The following SEMA6D variants were observed in gnomAD, a reference collection of about 807,000 sequenced individuals.
SEMA6D encodes semaphorin 6D.
Under a neutral mutation model 106.6 loss-of-function variants are expected in SEMA6D, and 35 were observed. That is an observed-to-expected ratio of 0.33 (90% CI 0.25 to 0.44). The LOEUF is 0.44. Among genes scored for constraint, SEMA6D ranks in the 20% least tolerant of loss-of-function variants. SEMA6D has a pLI of 1.00. For missense variants in SEMA6D, 1,185 were observed against 1,345.9 expected, an observed-to-expected ratio of 0.88 and a Z score of 1.87; for synonymous variants, 499 against 487.7, an observed-to-expected ratio of 1.02 and a Z score of -0.31.
chr15:47,682,361 G>A (rs766181143), intron 4 of SEMA6D, among the ~76,000 whole-genome samples: 7 of 152,128 alleles, frequency 4.6e-5, no homozygotes, highest in Admixed American at 2.6e-4. Flanking sequence ...TAGAGACGGG[G>A]TTTCACCATG....
chr15:47,199,868 G>T (rs562879159), intron 1 of SEMA6D, among the ~76,000 whole-genome samples: 1 of 152,078 alleles, frequency 6.6e-6, no homozygotes, highest in Non-Finnish European at 1.5e-5. Flanking sequence ...TGTGCATTTT[G>T]CAGTGAGCTA....
rs372623559 is a variant in SEMA6D at position 47,772,802 on chromosome 15, T to TTC, written c.*1017_*1018insTC. The TTC allele has an allele frequency of 9.2e-6, 1 of 108,946 alleles. No individual in the cohort carries two copies. Among genetic ancestry groups the TTC allele is most frequent in the African/African-American group, 3.7e-5 (1 of 27,328 alleles). The allele number at this position is 108,946 out of a possible 1,614,324, so 6.7% of individuals were successfully genotyped here. A position where few individuals can be genotyped will look rare whatever the true frequency, so the allele number is the denominator to read the frequency against. On this transcript the variant is annotated 3_prime_UTR_variant, in exon 19 of 19. Transcript: ENST00000536845. ...AGGTTTTATTTTGATTGTGTTCGTT[T>TTC]CCCCCCCCCCAATAGTAAAATTTCT... is the stretch of plus-strand genomic sequence containing the variant.
chr15:47,561,629 T>A (rs2142698767), intron 3 of SEMA6D, among the ~76,000 whole-genome samples: 1 of 151,298 alleles, frequency 6.6e-6, no homozygotes, highest in South Asian at 2.1e-4. Flanking sequence ...TAGAAACAAT[T>A]CTATAAATGT....
At chr15:47,686,402 G>A (rs1012661129) in intron 4 of SEMA6D, among the ~76,000 whole-genome samples, 6 of 152,072 alleles carry the variant, frequency 3.9e-5, no homozygotes, top group Admixed American at 1.3e-4. Context: ...CAATTTTGAC[G>A]AACTTCAAAA....
At chr15:47,380,414 T>C (rs1369414030) in intron 1 of SEMA6D, 2 of 152,340 alleles carry the variant, frequency 1.3e-5, no homozygotes, top group South Asian at 4.1e-4. Flanking sequence ...AATCTTCTAC[T>C]CTGGCTTTTA....
intron 1 of SEMA6D, among the ~76,000 whole-genome samples, chr15:47,223,245 T>C (rs1402555227): frequency 6.6e-6 from 1 of 152,160 alleles, no homozygotes; most frequent in African/African-American, 2.4e-5. Context: ...CCAAAACTTA[T>C]CAATCTATGT....
intron 1 of SEMA6D, 59 bp from the exon 2 acceptor site, chr15:47,759,686 A>G (rs2081959545): frequency 6.5e-6 from 5 of 769,656 alleles, no homozygotes; most frequent in Non-Finnish European, 1.1e-5. Context: ...GCTGATTACA[A>G]ACAAGAAAAC....
intron 9 of SEMA6D, 51 bp from the exon 10 acceptor site, chr15:47,763,799 A>G (rs3743278): frequency 0.014 from 21,015 of 1,503,608 alleles, 1,208 homozygotes; most frequent in African/African-American, 0.12. Context: ...TTTTGTTTCC[A>G]TTCCTTTCCA....
At chr15:47,607,863 A>G (rs933893358) in intron 4 of SEMA6D, among the ~76,000 whole-genome samples, 2 of 152,248 alleles carry the variant, frequency 1.3e-5, no homozygotes, top group African/African-American at 4.8e-5. Context: ...GACAGGCAAA[A>G]GGCCTAGGGA....
intron 1 of SEMA6D, among the ~76,000 whole-genome samples, chr15:47,272,399 A>C (rs2034598281): frequency 6.6e-6 from 1 of 152,074 alleles, no homozygotes. Flanking sequence ...TGAACAAGGC[A>C]GATTCTGATC....
intron 1 of SEMA6D, among the ~76,000 whole-genome samples, chr15:47,400,363 C>T (rs1215636883): frequency 1.3e-5 from 2 of 151,946 alleles, no homozygotes; most frequent in African/African-American, 4.8e-5. Context: ...GTGGTGTGCA[C>T]CTGTAGTCCC....
chr15:47,581,553 A>C (rs892067925), intron 3 of SEMA6D, among the ~76,000 whole-genome samples: 3 of 152,232 alleles, frequency 2.0e-5, no homozygotes, highest in Non-Finnish European at 2.9e-5. Flanking sequence ...GCCATGCAAA[A>C]ATCTAGCTAA....
chr15:47,569,764 T>C (rs1412294571), intron 3 of SEMA6D, among the ~76,000 whole-genome samples: 2 of 152,110 alleles, frequency 1.3e-5, no homozygotes, highest in South Asian at 2.1e-4. Context: ...TATGGATCAT[T>C]TTATAAGGAT....
intron 1 of SEMA6D, among the ~76,000 whole-genome samples, chr15:47,396,139 C>G (rs952302631): frequency 2.0e-5 from 3 of 152,012 alleles, no homozygotes; most frequent in African/African-American, 7.2e-5. Flanking sequence ...AAAACCCGAC[C>G]GTGCTGGCAC....
intron 3 of SEMA6D, among the ~76,000 whole-genome samples, chr15:47,478,013 A>G (rs1425847078): frequency 6.6e-6 from 1 of 152,196 alleles, no homozygotes; most frequent in African/African-American, 2.4e-5. Context: ...TCCTCATAAT[A>G]TCACGCAGCA....
At chr15:47,617,096 C>G (rs1233757069) in intron 4 of SEMA6D, among the ~76,000 whole-genome samples, 1 of 152,174 alleles carries the variant, frequency 6.6e-6, no homozygotes, top group Non-Finnish European at 1.5e-5. Flanking sequence ...GAGTTGCTTG[C>G]CAAAGTCATC....
chr15:47,636,629 T>G (rs1215615578), intron 4 of SEMA6D, among the ~76,000 whole-genome samples: 1 of 152,128 alleles, frequency 6.6e-6, no homozygotes, highest in African/African-American at 2.4e-5. Context: ...CCTCTTAAGA[T>G]TCCACATCTC....
chr15:47,428,442 AAGTATTTAGGCGCAGATCTACCCT>A (rs2041419427), intron 2 of SEMA6D, among the ~76,000 whole-genome samples: 19 of 110,370 alleles, frequency 1.7e-4, no homozygotes, highest in South Asian at 3.4e-4. Flanking sequence ...AGAGGTAAAA[AAGTATTTAGGCGCAGATCTACCCT>A]TAAAAGTGGG....
chr15:47,647,173 A>G (rs2077595678), intron 4 of SEMA6D, among the ~76,000 whole-genome samples: 1 of 152,238 alleles, frequency 6.6e-6, no homozygotes. Context: ...CTATGAGAGC[A>G]ACATTTTGGA....
Sources: allele counts gnomAD v4.1 joint callset (sites outside exome capture counted in the v4.1 genomes callset), GRCh38; gene constraint gnomAD v4.1.1; transcripts MANE v1.5; gene names NCBI Gene and HGNC (gene_info 2026-07-23, HGNC 2026-07-21).